CCNT1: variants seen among roughly 807,000 people sequenced by gnomAD.
CCNT1 encodes the protein cyclin T1.
CCNT1 carries 18 observed loss-of-function variants against 67.3 expected under a neutral mutation model. That is an observed-to-expected ratio of 0.27 (90% CI 0.18 to 0.40). CCNT1 has a LOEUF of 0.40. Among genes scored for constraint, CCNT1 ranks in the 10% least tolerant of loss-of-function variants. The pLI, the probability that CCNT1 is intolerant of heterozygous loss-of-function variation, is 1.00. For missense variants in CCNT1, 744 were observed against 884.9 expected (o/e 0.84, Z 2.02); for synonymous variants, 333 against 310.3 (o/e 1.07, Z -0.77).
intron 2 of CCNT1, among the ~76,000 whole-genome samples, chr12:48,708,544 C>T (rs2137240378): frequency 6.8e-6 from 1 of 148,078 alleles, no homozygotes; most frequent in African/African-American, 2.5e-5. Flanking sequence ...GAGACTCTGT[C>T]TCAAAAAAAG....
At position 48,692,220 on chromosome 12, in the gene CCNT1, TAAAG is replaced by T. The variant is rs1284246003; in HGVS notation, c.*809_*812del. On this transcript the variant is annotated 3_prime_UTR_variant, in exon 9 of 9. Transcript: ENST00000261900. ...AGAGGGCTACTACTCAATTATAACA[TAAAG>T]AAAGGGAAAAATACCATGTCAAATA... 6.6e-6 allele frequency: 1 copy of T among 152,154 alleles called. No homozygotes were observed. Among genetic ancestry groups the T allele is most frequent in the African/African-American group, 2.4e-5 (1 of 41,422 alleles). 9.4% of individuals were successfully genotyped at this position (152,154 alleles called of 1,614,324 possible). A position where few individuals can be genotyped will look rare whatever the true frequency, so the allele number is the denominator to read the frequency against.
At chr12:48,711,936 G>A (rs2137244073) in intron 2 of CCNT1, among the ~76,000 whole-genome samples, 1 of 152,256 alleles carries the variant, frequency 6.6e-6, no homozygotes, top group African/African-American at 2.4e-5. Context: ...GGGACTACAG[G>A]CGCCCACCGC....
In CCNT1 at chr12:48,714,521, T is replaced by C. The variant is rs1940504259; in HGVS notation, c.165A>G (p.Ser55=). The change falls in exon 2 of 9, where the codon TCA becomes TCG. Residue 55 remains serine, a synonymous_variant. Transcript: ENST00000261900. ...CTATAGCAGTGTTGATAGTCAATTG[T>C]GAGCTGAAGTGTTCAAGTTAAGATC... is the stretch of plus-strand genomic sequence containing the variant. ...LQDMGQRLNV[S]QLTINTAIVY... The C allele has an allele frequency of 1.9e-6, 3 of 1,602,846 alleles. No homozygotes were observed. Among genetic ancestry groups the C allele is most frequent in the East Asian group, 2.2e-5 (1 of 44,776 alleles).
intron 2 of CCNT1, among the ~76,000 whole-genome samples, chr12:48,707,870 CAACATGGTGAAACCCCGTCTCTACTAAA>C (rs1940387150): frequency 6.6e-6 from 1 of 151,266 alleles, no homozygotes; most frequent in East Asian, 2.0e-4. Context: ...CCAGCCCGGC[CAACATGGTGAAACCCCGTCTCTACTAAA>C]AACACAAAAA....
In CCNT1 at chr12:48,691,140, G is replaced by A. The variant is rs1940065855; in HGVS notation, c.*1893C>T. On this transcript the variant is annotated 3_prime_UTR_variant, in exon 9 of 9. Coordinates refer to ENST00000261900, the MANE Select transcript of CCNT1 (RefSeq NM_001240.4). ...AGCTCCTCGTTTTATACCCAGCAAT[G>A]GCAGGAACTCTAGACAGTTCAAATA... is the stretch of plus-strand genomic sequence containing the variant. 1 of 152,154 alleles carries A rather than the reference G, an allele frequency of 6.6e-6. No homozygotes were observed. Among genetic ancestry groups the A allele is most frequent in the Non-Finnish European group, 1.5e-5 (1 of 68,024 alleles). The allele number at this position is 152,154 out of a possible 1,614,324, so 9.4% of individuals were successfully genotyped here. A position where few individuals can be genotyped will look rare whatever the true frequency, so the allele number is the denominator to read the frequency against.
At position 48,716,648 on chromosome 12, in the gene CCNT1, T is replaced by C; in HGVS notation, c.28A>G (p.Lys10Glu). MEGERKNNN[K>E]RWYFTREQLE... ...TGTTCTCGAGTGAAATACCACCGTT[T>C]GTTGTTGTTCTTCCTCTCTCCCTCC... The change falls in exon 1 of 9, where the codon AAA becomes GAA. Residue 10 changes from lysine (K) to glutamate (E), a missense_variant. Coordinates refer to ENST00000261900, the MANE Select transcript of CCNT1 (RefSeq NM_001240.4). The C allele has an allele frequency of 6.2e-7, 1 of 1,614,098 alleles. No homozygotes were observed. Among genetic ancestry groups the C allele is most frequent in the Non-Finnish European group, 8.5e-7 (1 of 1,179,986 alleles).
At position 48,715,661 on chromosome 12, in the gene CCNT1, T is replaced by C. The variant is rs563183187; in HGVS notation, c.161+854A>G. Among the ~76,000 whole-genome samples, 8 of 151,736 alleles carry C rather than the reference T, an allele frequency of 5.3e-5. No individual in the cohort carries two copies. The East Asian group carries it at 1.2e-3, about 22-fold the overall frequency. On this transcript the variant is annotated intron_variant, in intron 1 of 8. Coordinates refer to ENST00000261900, the MANE Select transcript of CCNT1 (RefSeq NM_001240.4). The stretch of plus-strand genomic sequence containing the variant: ...ATTTTTAGTAGAGACAGGGGTTTAA[T>C]CATGTTGGCCAGGCTGGTCTCGAAC...
At chr12:48,710,865 A>G (rs1940438261) in intron 2 of CCNT1, among the ~76,000 whole-genome samples, 1 of 152,218 alleles carries the variant, frequency 6.6e-6, no homozygotes, top group African/African-American at 2.4e-5. Flanking sequence ...ATTCAAGACC[A>G]GGCTGGCCAA....
In CCNT1 at chr12:48,701,005, A is replaced by T; in HGVS notation, c.433+8T>A. The T allele has an allele frequency of 1.3e-6, 2 of 1,497,830 alleles. No homozygotes were observed. Among genetic ancestry groups the T allele is most frequent in the Non-Finnish European group, 1.8e-6 (2 of 1,093,434 alleles). 92.8% of individuals were successfully genotyped at this position (1,497,830 alleles called of 1,614,324 possible). A position where few individuals can be genotyped will look rare whatever the true frequency, so the allele number is the denominator to read the frequency against. On this transcript the variant is annotated splice_region_variant and intron_variant, in intron 4 of 8. Coordinates refer to ENST00000261900, the MANE Select transcript of CCNT1 (RefSeq NM_001240.4). ...TTAAAAAAATGTTTCAAAGGAAAATAAACTTACCTAAAGTCTGCAAAATTA... is the reference window on the plus strand; with the variant it reads ...TTAAAAAAATGTTTCAAAGGAAAATTAACTTACCTAAAGTCTGCAAAATTA...
rs191054929 is a variant in CCNT1 at position 48,703,794 on chromosome 12, C to T, written c.372+1974G>A. On this transcript the variant is annotated intron_variant, in intron 3 of 8. Coordinates refer to ENST00000261900, the MANE Select transcript of CCNT1 (RefSeq NM_001240.4). The stretch of plus-strand genomic sequence containing the variant: ...TACAAAAACTAGCTGGGCATGGTGG[C>T]GCACACCTATAGTCCCAGCTACTCG... Among the ~76,000 whole-genome samples the T allele has an allele frequency of 3.4e-4, 52 of 151,898 alleles. 1 individual carries two copies. Among genetic ancestry groups the T allele is most frequent in the African/African-American group, 1.2e-3 (50 of 41,450 alleles).
At chr12:48,713,745 C>G (rs1423564622) in intron 2 of CCNT1, among the ~76,000 whole-genome samples, 1 of 152,240 alleles carries the variant, frequency 6.6e-6, no homozygotes. Flanking sequence ...AATCAAATCA[C>G]TGCATTCCAC....
chr12:48,711,129 C>A (rs1187827313), intron 2 of CCNT1, among the ~76,000 whole-genome samples: 3 of 151,730 alleles, frequency 2.0e-5, no homozygotes, highest in Non-Finnish European at 4.4e-5. Flanking sequence ...CACCTGTAAT[C>A]CCAGCACTCT....
chr12:48,712,337 C>T (rs1326093198), intron 2 of CCNT1, among the ~76,000 whole-genome samples: 1 of 151,508 alleles, frequency 6.6e-6, no homozygotes, highest in East Asian at 2.0e-4. Context: ...GGCTGAAGTG[C>T]AATAGCGATC....
At chr12:48,696,857 G>GTC (rs1031690742) in intron 6 of CCNT1, among the ~76,000 whole-genome samples, 2 of 152,084 alleles carry the variant, frequency 1.3e-5, no homozygotes, top group Admixed American at 6.5e-5. Flanking sequence ...TTTAGACAGA[G>GTC]TCTCTCTCTC....
rs150487322 is a variant in CCNT1, at chr12:48,699,339, T to C, written c.496+439A>G. 1.8e-4 allele frequency among the ~76,000 whole-genome samples: 27 copies of C among 152,268 alleles called. 1 individual carries two copies. In the East Asian group the frequency reaches 5.0e-3, roughly 28 times the overall value. On this transcript the variant is annotated intron_variant, in intron 5 of 8. Transcript: ENST00000261900. ...CAGATATTCTTGATACTAAACTAAA[T>C]AAGAGAGTTTCATTCAATTATACCT...
At chr12:48,712,090 T>C (rs890208346) in intron 2 of CCNT1, among the ~76,000 whole-genome samples, 5 of 152,068 alleles carry the variant, frequency 3.3e-5, no homozygotes, top group African/African-American at 1.2e-4. Context: ...CCACGGCACC[T>C]GGCCCACAAA....
chr12:48,704,567 G>T (rs541992975), intron 3 of CCNT1, among the ~76,000 whole-genome samples: 3 of 152,260 alleles, frequency 2.0e-5, no homozygotes, highest in Admixed American at 2.0e-4. Context: ...TCCCACCACT[G>T]TGGGAGGCCA....
intron 3 of CCNT1, among the ~76,000 whole-genome samples, chr12:48,702,608 C>A (rs1452390010): frequency 6.6e-6 from 1 of 152,104 alleles, no homozygotes; most frequent in Admixed American, 6.6e-5. Context: ...TATGGTGAAA[C>A]CCTGTCTCTA....
rs2137222538 is a variant in CCNT1 at position 48,693,783 on chromosome 12, T to C, written c.1431A>G (p.Pro477=). 1.2e-6 allele frequency: 2 copies of C among 1,614,072 alleles called. No individual in the cohort carries two copies. Among genetic ancestry groups the C allele is most frequent in the Middle Eastern group, 3.3e-4 (2 of 6,062 alleles). Residue 477 remains proline, a synonymous_variant, in exon 9 of 9, where the codon CCA becomes CCG. Coordinates refer to ENST00000261900, the MANE Select transcript of CCNT1 (RefSeq NM_001240.4). ...CTTTTATGCGCATTTTTATCTCCTC[T>C]GGTTTTGAAGACGCAGCTTTATCTC... ...AGGDKAASSK[P]EEIKMRIKVH...
Sources: gnomAD v4.1 joint callset for allele counts (sites outside exome capture counted in the v4.1 genomes callset) on GRCh38, gnomAD v4.1.1 for gene constraint, MANE v1.5 for transcripts, NCBI Gene and HGNC (gene_info 2026-07-23, HGNC 2026-07-21) for gene names.